The following PCDH17 variants were observed in gnomAD, a reference collection of about 807,000 sequenced individuals.
The protein encoded by PCDH17 is protocadherin 17.
In PCDH17, 21 loss-of-function variants were observed where a neutral mutation model predicts 67.7. That is an observed-to-expected ratio of 0.31 (90% confidence interval 0.22 to 0.45). The LOEUF (loss-of-function observed/expected upper bound fraction) is 0.45, where lower values mean the gene tolerates loss of function less well. PCDH17 is among the 20% of genes least tolerant of loss of function. PCDH17 has a pLI of 1.00. For synonymous variants in PCDH17, 701 were observed against 656.7 expected (o/e 1.07, Z -1.03); for missense variants, 1,471 against 1,564.8 (o/e 0.94, Z 1.01).
chr13:57,689,810 TTATTGATGCATACCTC>T (rs1315146173), intron 3 of PCDH17, among the ~76,000 whole-genome samples: 1 of 151,938 alleles, frequency 6.6e-6, no homozygotes, highest in East Asian at 1.9e-4. Context: ...GAAGAATTCT[TTATTGATGCATACCTC>T]TATTCTGGGA....
chr13:57,692,322 CT>C (rs1267643745), intron 3 of PCDH17, among the ~76,000 whole-genome samples: 1 of 151,164 alleles, frequency 6.6e-6, no homozygotes, highest in African/African-American at 2.4e-5. Context: ...TAACTGCTCT[CT>C]TGGTTTATCA....
intron 3 of PCDH17, among the ~76,000 whole-genome samples, chr13:57,691,473 A>C (rs1232630418): frequency 2.6e-5 from 4 of 151,350 alleles, no homozygotes; most frequent in African/African-American, 7.2e-5. Flanking sequence ...AGACCAAAAA[A>C]ACATAAGGAC....
intron 1 of PCDH17, among the ~76,000 whole-genome samples, chr13:57,652,602 T>C (rs1471501253): frequency 1.3e-5 from 2 of 152,098 alleles, no homozygotes; most frequent in Non-Finnish European, 2.9e-5. Context: ...AAGGAGAAAA[T>C]GAAGAGAAGT....
chr13:57,642,371 T>C (rs1954916469), intron 1 of PCDH17, among the ~76,000 whole-genome samples: 1 of 151,678 alleles, frequency 6.6e-6, no homozygotes, highest in Non-Finnish European at 1.5e-5. Flanking sequence ...TTTGTAGATA[T>C]ATACTCTTAT....
intron 3 of PCDH17, among the ~76,000 whole-genome samples, chr13:57,718,100 A>G (rs558190659): frequency 6.6e-6 from 1 of 152,172 alleles, no homozygotes; most frequent in South Asian, 2.1e-4. Context: ...AAGAAACAAC[A>G]TGTATCCCTG....
rs1566250938 is a variant in PCDH17 at position 57,726,137 on chromosome 13, T to TA, written c.*844dup. On this transcript the variant is annotated 3_prime_UTR_variant, in exon 4 of 4. Transcript: ENST00000377918. ...TTTGACATAGAAAAGTTCTAAAAAATAGTTACCATTGAGTGGTAAGATTCA... is the reference window on the plus strand; with the variant it reads ...TTTGACATAGAAAAGTTCTAAAAAATAAGTTACCATTGAGTGGTAAGATTCA... 2.0e-5 allele frequency: 3 copies of TA among 152,612 alleles called. No individual in the cohort carries two copies. The highest frequency in any genetic ancestry group is 4.4e-5 in the Non-Finnish European group (3 of 68,030). The allele number at this position is 152,612 out of a possible 1,614,324, so 9.5% of individuals were successfully genotyped here.
At chr13:57,637,521 C>A (rs189709002) in intron 1 of PCDH17, among the ~76,000 whole-genome samples, 54 of 151,746 alleles carry the variant, frequency 3.6e-4, no homozygotes, top group Non-Finnish European at 6.3e-4. Flanking sequence ...ATCCCATAAT[C>A]TTGTTTCAGG....
At chr13:57,712,659 T>C (rs1955786827) in intron 3 of PCDH17, among the ~76,000 whole-genome samples, 1 of 151,462 alleles carries the variant, frequency 6.6e-6, no homozygotes, top group Non-Finnish European at 1.5e-5. Flanking sequence ...AACAAAAAAA[T>C]CACTTATTTC....
At position 57,677,973 on chromosome 13, in the gene PCDH17, C is replaced by A. The variant is rs566460832; in HGVS notation, c.2797+11140C>A. Among the ~76,000 whole-genome samples the A allele has an allele frequency of 7.7e-4, 117 of 151,714 alleles. 2 individuals carry two copies. The highest frequency in any genetic ancestry group is 2.8e-3 in the African/African-American group (114 of 41,436). ...TAATTACAGTTAGAAGAAATAAGTT[C>A]AAGAGATCTTTTGTACAGCATGGTG... On this transcript the variant is annotated intron_variant, in intron 3 of 3. Transcript: ENST00000377918.
At chr13:57,693,334 A>ATATATATATATATATATATATATATG (rs1955577328) in intron 3 of PCDH17, among the ~76,000 whole-genome samples, 1 of 141,636 alleles carries the variant, frequency 7.1e-6, no homozygotes, top group Admixed American at 7.1e-5. Context: ...ATATATATAT[A>ATATATATATATATATATATATATATG]TATATATATA....
intron 3 of PCDH17, among the ~76,000 whole-genome samples, chr13:57,673,817 A>G (rs935478039): frequency 1.3e-5 from 2 of 151,950 alleles, no homozygotes; most frequent in African/African-American, 2.4e-5. Flanking sequence ...GAATGCATTT[A>G]TCTAATAGCT....
At chr13:57,693,801 T>G (rs2138065531) in intron 3 of PCDH17, among the ~76,000 whole-genome samples, 1 of 151,128 alleles carries the variant, frequency 6.6e-6, no homozygotes, top group Admixed American at 6.6e-5. Context: ...AGAAAAAGTT[T>G]TACAAATTCT....
rs746175727 is a variant in PCDH17, at chr13:57,634,217, G to C, written c.1671G>C (p.Ser557=). 3 of 1,613,196 alleles carry C rather than the reference G, an allele frequency of 1.9e-6. No homozygotes were observed. The highest frequency in any genetic ancestry group is 1.7e-5 in the Admixed American group (1 of 60,012). Residue 557 remains serine (S), a synonymous_variant, in exon 1 of 4, where the codon TCG becomes TCC. Transcript: ENST00000377918. The surrounding 1 kb of genome is among the most constrained non-coding windows in gnomAD (Gnocchi z 7.8). Reference sequence around the variant, plus strand: ...AGTTCAAGGTGCTTGCTAAGGACTCGGGGGCGCCCGCGCACTTGGAGAGCA... The same window carrying C: ...AGTTCAAGGTGCTTGCTAAGGACTCCGGGGCGCCCGCGCACTTGGAGAGCA... ...AFEFKVLAKD[S]GAPAHLESNA... is the part of the protein sequence containing the mutation.
In PCDH17 at chr13:57,634,465, C is replaced by G. The variant is rs958149296; in HGVS notation, c.1919C>G (p.Pro640Arg). ...GACGACCACCTGTTTGAGATCGACC[C>G]GTCCAGCGGCGAGATCCGCACGCTG... ...GNDDHLFEID[P>R]SSGEIRTLHP... Residue 640 changes from proline (P) to arginine (R), a missense_variant, in exon 1 of 4, where the codon CCG becomes CGG. By Grantham distance (103) the Pro-to-Arg change is moderately radical. Around this residue, in one of 3 missense-constraint regions of PCDH17, gnomAD observed 1,163 missense variants for 1,230.0 expected, o/e 0.95. Transcript: ENST00000377918. This position sits in a 1 kb window ranked among gnomAD's most constrained non-coding sequence, Gnocchi z 7.8. 4.3e-6 allele frequency: 7 copies of G among 1,612,844 alleles called. No individual in the cohort carries two copies. Among genetic ancestry groups the G allele is most frequent in the African/African-American group, 4.0e-5 (3 of 74,990 alleles).
rs1348499884 is a variant in PCDH17, at chr13:57,726,038, C to T, written c.*744C>T. The T allele has an allele frequency of 6.6e-6, 1 of 152,404 alleles. No homozygotes were observed. The highest frequency in any genetic ancestry group is 2.4e-5 in the African/African-American group (1 of 41,420). 9.4% of individuals were successfully genotyped at this position (152,404 alleles called of 1,614,324 possible). A position where few individuals can be genotyped will look rare whatever the true frequency, so the allele number is the denominator to read the frequency against. ...TTCACGTCATTAAAGAAGAAGAAAA[C>T]TTAAAGATTTAAAATGCCTATTTAG... On this transcript the variant is annotated 3_prime_UTR_variant, in exon 4 of 4. Transcript: ENST00000377918.
At chr13:57,663,506 T>G (rs1310169426) in intron 1 of PCDH17, among the ~76,000 whole-genome samples, 2 of 152,202 alleles carry the variant, frequency 1.3e-5, no homozygotes, top group Non-Finnish European at 2.9e-5. Flanking sequence ...TTTTTCATTT[T>G]TCTATGCAAA....
At position 57,724,765 on chromosome 13, in the gene PCDH17, C is replaced by A. The variant is rs111675034; in HGVS notation, c.2951C>A (p.Thr984Asn). The change falls in exon 4 of 4, where the codon ACT becomes AAT. Residue 984 changes from threonine to asparagine, a missense_variant. Thr to Asn is a moderately conservative substitution (Grantham distance 65). Coordinates refer to ENST00000377918, the MANE Select transcript of PCDH17 (RefSeq NM_001040429.3). Reference sequence around the variant, plus strand: ...CCTACAGTTGAAGCTAATGTTGAGACTGAGACTTACGAAACTGTGAATCCC... The same window carrying A: ...CCTACAGTTGAAGCTAATGTTGAGAATGAGACTTACGAAACTGTGAATCCC... ...FVPTVEANVE[T>N]ETYETVNPTG... is the part of the protein sequence containing the mutation. 1.2e-6 allele frequency: 2 copies of A among 1,614,142 alleles called. No homozygotes were observed. Among genetic ancestry groups the A allele is most frequent in the Non-Finnish European group, 1.7e-6 (2 of 1,180,020 alleles).
intron 3 of PCDH17, among the ~76,000 whole-genome samples, chr13:57,697,630 CATT>C (rs1251519110): frequency 6.6e-6 from 1 of 151,496 alleles, no homozygotes; most frequent in Non-Finnish European, 1.5e-5. Context: ...GAATGACTGT[CATT>C]ATATACGCTT....
chr13:57,649,471 T>A (rs1955009137), intron 1 of PCDH17, among the ~76,000 whole-genome samples: 1 of 152,160 alleles, frequency 6.6e-6, no homozygotes, highest in Non-Finnish European at 1.5e-5. Context: ...AGTGCTCAGA[T>A]CCCTTGTACT....
Sources: allele counts gnomAD v4.1 joint callset (sites outside exome capture counted in the v4.1 genomes callset), GRCh38; gene constraint gnomAD v4.1.1; regional missense constraint gnomAD v4.1.1; non-coding constraint Gnocchi (gnomAD v3.1); transcripts MANE v1.5; gene names NCBI Gene and HGNC (gene_info 2026-07-23, HGNC 2026-07-21).